Variants in SASS6 observed in about 807,000 individuals in gnomAD.
SASS6 encodes SAS-6 centriolar assembly protein.
In SASS6, 59 loss-of-function variants were observed where a neutral mutation model predicts 94.9. The ratio of observed to expected loss-of-function variants is 0.62; its 90% CI spans 0.50 to 0.77. The LOEUF (loss-of-function observed/expected upper bound fraction) is 0.77. SASS6 is among the 30% of genes least tolerant of loss of function. The pLI is 0.00. For synonymous variants in SASS6, 264 were observed against 270.0 expected, an observed-to-expected ratio of 0.98 and a Z score of 0.22; for missense variants, 698 against 734.1, an observed-to-expected ratio of 0.95 and a Z score of 0.57.
At chr1:100,121,007 G>A (rs374583570) in intron 5 of SASS6, among the ~76,000 whole-genome samples, 11 of 138,550 alleles carry the variant, frequency 7.9e-5, no homozygotes, top group South Asian at 2.3e-4. Flanking sequence ...CCGAGATCCC[G>A]CCACTGCACT....
chr1:100,130,297 G>A (rs985764891), intron 1 of SASS6, among the ~76,000 whole-genome samples: 1 of 152,148 alleles, frequency 6.6e-6, no homozygotes, highest in Non-Finnish European at 1.5e-5. Context: ...AGGGGGGTGC[G>A]TATTTACATC....
At chr1:100,110,642 G>T (rs952724952) in intron 7 of SASS6, among the ~76,000 whole-genome samples, 159 bp from the exon 8 acceptor site, 2 of 150,902 alleles carry the variant, frequency 1.3e-5, no homozygotes, top group Non-Finnish European at 3.0e-5. Flanking sequence ...TTCTGAAAAG[G>T]GTCTATTTTC....
chr1:100,105,097 C>T (rs1570693889), intron 13 of SASS6, among the ~76,000 whole-genome samples: 2 of 152,188 alleles, frequency 1.3e-5, no homozygotes, highest in East Asian at 3.9e-4. Context: ...TCAGTTTAGG[C>T]TTAAGCCTAA....
chr1:100,092,228 C>T (rs377337559), intron 14 of SASS6, among the ~76,000 whole-genome samples: 14 of 151,592 alleles, frequency 9.2e-5, no homozygotes, highest in African/African-American at 2.9e-4. Context: ...TATAGGAGAA[C>T]GATTCAAATT....
At chr1:100,126,838 A>T (rs1654655963) in intron 1 of SASS6, among the ~76,000 whole-genome samples, 1 of 152,238 alleles carries the variant, frequency 6.6e-6, no homozygotes, top group Admixed American at 6.5e-5. Context: ...TTGAATGTTT[A>T]AAATCAAGGA....
In SASS6 at chr1:100,085,431, TG is replaced by T; in HGVS notation, c.1870del (p.His624IlefsTer7). ...LSQNLFSNSD[H>X]QRDGTLGALH... is the part of the protein sequence containing the mutation. ...TGCTCCTAAAGTGCCATCTCTCTGA[TG>T]GTCTGCAAATGAGGACAAAAAAAGG... On this transcript the variant is annotated frameshift_variant and splice_region_variant, in exon 17 of 17. Transcript: ENST00000287482. LOFTEE classifies it high-confidence loss of function. 1 of 1,608,506 alleles carries T rather than the reference TG, an allele frequency of 6.2e-7. No homozygotes were observed. Among genetic ancestry groups the T allele is most frequent in the East Asian group, 2.2e-5 (1 of 44,866 alleles).
intron 1 of SASS6, among the ~76,000 whole-genome samples, chr1:100,132,016 A>G (rs1219940598): frequency 2.6e-5 from 4 of 152,206 alleles, no homozygotes; most frequent in African/African-American, 9.6e-5. Flanking sequence ...CTCTGGTCAA[A>G]TCTATTTACG....
At chr1:100,107,599 T>C (rs752213134) in intron 10 of SASS6, 29 bp downstream of exon 10, 1 of 1,552,808 alleles carries the variant, frequency 6.4e-7, no homozygotes, top group South Asian at 1.2e-5. Context: ...TTTAATGAAA[T>C]ACTAGTCTAT....
chr1:100,100,050 G>C (rs549272550), intron 14 of SASS6, among the ~76,000 whole-genome samples: 2 of 152,240 alleles, frequency 1.3e-5, no homozygotes, highest in African/African-American at 4.8e-5. Flanking sequence ...TGGATCACTT[G>C]AGGTCAGGAG....
At chr1:100,130,934 C>T (rs955943987) in intron 1 of SASS6, among the ~76,000 whole-genome samples, 3 of 152,170 alleles carry the variant, frequency 2.0e-5, no homozygotes, top group East Asian at 1.9e-4. Flanking sequence ...AGCCAACTGG[C>T]CCATGTGCTC....
intron 11 of SASS6, 126 bp from the exon 12 acceptor site, chr1:100,107,119 A>C (rs1213891369): frequency 3.3e-6 from 2 of 611,482 alleles, no homozygotes; most frequent in African/African-American, 3.7e-5. Context: ...ATGAGAATAA[A>C]GGAATTAGCT....
chr1:100,117,252 T>C (rs2810415), intron 7 of SASS6, among the ~76,000 whole-genome samples: 1,530 of 150,202 alleles, frequency 0.01, 28 homozygotes, highest in African/African-American at 0.036. Context: ...AATCATGCCA[T>C]TGCACTCCAG....
Position 100,107,687 on chromosome 1 carries a change from GA to G in SASS6, c.1086del (p.Gln363LysfsTer4). The G allele has an allele frequency of 6.2e-7, 1 of 1,604,778 alleles. No homozygotes were observed. The highest frequency in any genetic ancestry group is 1.3e-5 in the African/African-American group (1 of 74,712). On this transcript the variant is annotated frameshift_variant, in exon 10 of 17. Coordinates refer to ENST00000287482, the MANE Select transcript of SASS6 (RefSeq NM_194292.3). LOFTEE classifies it high-confidence loss of function. ...GCTTCAAGCTTTCCTAGTTGTACTT[GA>G]TTTTTCTCACCATTTTCTTCTAAAA... ...KVVLEENGEK[N>X]QVQLGKLEAT...
At chr1:100,097,901 CA>C (rs1456083399) in intron 14 of SASS6, among the ~76,000 whole-genome samples, 2 of 152,064 alleles carry the variant, frequency 1.3e-5, no homozygotes, top group Non-Finnish European at 2.9e-5. Context: ...CTTGGAAAAG[CA>C]AATTTTATAG....
chr1:100,115,032 A>C (rs1215055154), intron 7 of SASS6, among the ~76,000 whole-genome samples: 1 of 152,194 alleles, frequency 6.6e-6, no homozygotes, highest in East Asian at 1.9e-4. Context: ...GAGATATTTT[A>C]GTTATTTACC....
rs1651150039 is a variant in SASS6, at chr1:100,085,263, T to C, written c.*65A>G. ...TTGCTATTTGAGGATCTGGTTTGTGTTGACATATTTTTTAAGCACCTGAGT... is the reference window on the plus strand; with the variant it reads ...TTGCTATTTGAGGATCTGGTTTGTGCTGACATATTTTTTAAGCACCTGAGT... On this transcript the variant is annotated 3_prime_UTR_variant, in exon 17 of 17. Transcript: ENST00000287482. The C allele has an allele frequency of 1.0e-6, 1 of 986,832 alleles. No homozygotes were observed. Among genetic ancestry groups the C allele is most frequent in the African/African-American group, 1.6e-5 (1 of 62,442 alleles). The allele number at this position is 986,832 out of a possible 1,614,324, so 61.1% of individuals were successfully genotyped here. A position where few individuals can be genotyped will look rare whatever the true frequency, so the allele number is the denominator to read the frequency against.
Position 100,107,713 on chromosome 1 carries a change from A to G in SASS6, c.1061T>C (p.Val354Ala). ...ATTTTTCTCACCATTTTCTTCTAAA[A>G]CCACCTGATATATTTTTTAAAAACA... is the stretch of plus-strand genomic sequence containing the variant. ...AFDTIQEQKV[V>A]LEENGEKNQV... The change falls in exon 10 of 17, where the codon GTT (valine) becomes GCT (alanine). Residue 354 changes from valine to alanine, a missense_variant. Physicochemically the swap from Val to Ala is moderately conservative, Grantham distance 64. Coordinates refer to ENST00000287482, the MANE Select transcript of SASS6 (RefSeq NM_194292.3). 1 of 1,592,436 alleles carries G rather than the reference A, an allele frequency of 6.3e-7. No individual in the cohort carries two copies. The highest frequency in any genetic ancestry group is 1.1e-5 in the South Asian group (1 of 88,460).
intron 2 of SASS6, among the ~76,000 whole-genome samples, chr1:100,123,509 A>G (rs1654356302): frequency 1.3e-5 from 2 of 152,236 alleles, no homozygotes; most frequent in South Asian, 2.1e-4. Context: ...GAGGTCTGTA[A>G]AAGTTAAGCA....
chr1:100,096,490 T>C (rs181707333), intron 14 of SASS6, among the ~76,000 whole-genome samples: 3 of 152,292 alleles, frequency 2.0e-5, no homozygotes, highest in Non-Finnish European at 2.9e-5. Flanking sequence ...AGAGTTCTTA[T>C]ATACAACTCC....
Sources: gnomAD v4.1 joint callset for allele counts (sites outside exome capture counted in the v4.1 genomes callset) on GRCh38, gnomAD v4.1.1 for gene constraint, MANE v1.5 for transcripts, NCBI Gene and HGNC (gene_info 2026-07-23, HGNC 2026-07-21) for gene names.